The following MCC variants were observed in gnomAD, a reference collection of about 807,000 sequenced individuals.
The protein encoded by MCC is MCC regulator of Wnt signaling pathway, also known as colorectal mutant cancer protein.
In MCC, 90 loss-of-function variants were observed where a neutral mutation model predicts 116.2. The observed-to-expected ratio is 0.77, with a 90% CI of 0.65 to 0.92. The LOEUF (loss-of-function observed/expected upper bound fraction) is 0.92, where lower values mean the gene tolerates loss of function less well. Ranked by LOEUF, MCC falls within the 40% of genes least tolerant of loss-of-function variation. The pLI is 0.00. For synonymous variants in MCC, 578 were observed against 510.5 expected, an observed-to-expected ratio of 1.13 and a Z score of -1.78; for missense variants, 1,516 against 1,312.2, an observed-to-expected ratio of 1.16 and a Z score of -2.40.
At chr5:113,419,977 A>T (rs976413161) in intron 1 of MCC, among the ~76,000 whole-genome samples, 1 of 151,668 alleles carries the variant, frequency 6.6e-6, no homozygotes, top group Non-Finnish European at 1.5e-5. Context: ...CATATGTAAC[A>T]AACCTGCACG....
intron 5 of MCC, among the ~76,000 whole-genome samples, chr5:113,131,741 T>C (rs1758440697): frequency 6.6e-6 from 1 of 152,126 alleles, no homozygotes; most frequent in African/African-American, 2.4e-5. Context: ...TCCCTCTGCC[T>C]TCCAAACCCA....
At chr5:113,476,598 C>T (rs1284299870) in intron 1 of MCC, among the ~76,000 whole-genome samples, 1 of 152,132 alleles carries the variant, frequency 6.6e-6, no homozygotes, top group African/African-American at 2.4e-5. Flanking sequence ...TAGAAGAAAA[C>T]ATTTAAATTA....
chr5:113,294,091 G>A (rs1170951740), intron 3 of MCC, among the ~76,000 whole-genome samples: 1 of 152,164 alleles, frequency 6.6e-6, no homozygotes, highest in Non-Finnish European at 1.5e-5. Context: ...GTGAGAGGTT[G>A]TTTCTTTTTT....
intron 14 of MCC, among the ~76,000 whole-genome samples, chr5:113,062,862 AAG>A (rs890452134): frequency 6.6e-6 from 1 of 152,220 alleles, no homozygotes; most frequent in Non-Finnish European, 1.5e-5. Flanking sequence ...CCAGGGGAGA[AAG>A]AGAGAGGGGA....
At chr5:113,437,359 T>C (rs2150414079) in intron 1 of MCC, among the ~76,000 whole-genome samples, 1 of 152,232 alleles carries the variant, frequency 6.6e-6, no homozygotes, top group African/African-American at 2.4e-5. Context: ...ACTGGCTGAG[T>C]GATCATCGCA....
chr5:113,482,177 T>A (rs574790957), intron 1 of MCC, among the ~76,000 whole-genome samples: 1 of 152,212 alleles, frequency 6.6e-6, no homozygotes, highest in Non-Finnish European at 1.5e-5. Flanking sequence ...TGATGAACAT[T>A]TGGGTACATC....
At chr5:113,426,633 A>T in intron 1 of MCC, among the ~76,000 whole-genome samples, 1 of 152,172 alleles carries the variant, frequency 6.6e-6, no homozygotes, top group East Asian at 1.9e-4. Flanking sequence ...ATGCATGTGA[A>T]CATGCCTATA....
chr5:113,125,328 T>C (rs548813824), intron 5 of MCC, among the ~76,000 whole-genome samples: 1 of 152,168 alleles, frequency 6.6e-6, no homozygotes, highest in Non-Finnish European at 1.5e-5. Flanking sequence ...ATTATAAGTA[T>C]TCTAGAACAA....
intron 1 of MCC, among the ~76,000 whole-genome samples, chr5:113,461,894 C>T (rs563650358): frequency 4.6e-5 from 7 of 151,996 alleles, no homozygotes; most frequent in Non-Finnish European, 1.0e-4. Context: ...CCCATGCCAT[C>T]GAGCACCCAG....
rs151183145 is a variant in MCC at position 113,046,685 on chromosome 5, C to CAAAAAAAAAAAAAAAAAAAA, written c.2655+2388_2655+2407dup. 8.4e-4 allele frequency among the ~76,000 whole-genome samples: 49 copies of CAAAAAAAAAAAAAAAAAAAA among 58,382 alleles called. 3 individuals are homozygous for CAAAAAAAAAAAAAAAAAAAA. The highest frequency in any genetic ancestry group is 2.0e-3 in the East Asian group (4 of 2,034). The allele number at this position is 58,382 out of a possible 152,430, so 38.3% of individuals were successfully genotyped here. A position where few individuals can be genotyped will look rare whatever the true frequency, so the allele number is the denominator to read the frequency against. On this transcript the variant is annotated intron_variant, in intron 16 of 18. Coordinates refer to ENST00000408903, the MANE Select transcript of MCC (RefSeq NM_001085377.2). ...ACTGACTGCTAACAAACTCAAAAGG[C>CAAAAAAAAAAAAAAAAAAAA]AAAAAAAAAAAAAAAAAAAAAAAAA...
intron 3 of MCC, among the ~76,000 whole-genome samples, chr5:113,160,297 A>C (rs1043917621): frequency 2.0e-5 from 3 of 152,192 alleles, no homozygotes; most frequent in African/African-American, 7.2e-5. Flanking sequence ...AATCAGCTTT[A>C]AAGATGACCC....
At chr5:113,136,984 G>C (rs1758872707) in intron 5 of MCC, among the ~76,000 whole-genome samples, 1 of 152,114 alleles carries the variant, frequency 6.6e-6, no homozygotes, top group African/African-American at 2.4e-5. Flanking sequence ...TATGATATTA[G>C]CCATGGGTTT....
intron 3 of MCC, among the ~76,000 whole-genome samples, chr5:113,279,416 C>T (rs1006616599): frequency 6.6e-6 from 1 of 151,270 alleles, no homozygotes; most frequent in Non-Finnish European, 1.5e-5. Flanking sequence ...ATATAGTAAT[C>T]TATGAACACT....
At chr5:113,424,410 T>C (rs916798657) in intron 1 of MCC, among the ~76,000 whole-genome samples, 6 of 152,034 alleles carry the variant, frequency 3.9e-5, no homozygotes, top group African/African-American at 1.4e-4. Flanking sequence ...AGAACAATAA[T>C]AAGTTTTAAA....
At chr5:113,275,351 G>A (rs947573130) in intron 3 of MCC, among the ~76,000 whole-genome samples, 4 of 152,188 alleles carry the variant, frequency 2.6e-5, no homozygotes, top group Admixed American at 2.6e-4. Flanking sequence ...TACACTTGTA[G>A]TTAGCAACAC....
intron 3 of MCC, among the ~76,000 whole-genome samples, chr5:113,241,675 G>T (rs1764374238): frequency 6.6e-6 from 1 of 152,168 alleles, no homozygotes; most frequent in Non-Finnish European, 1.5e-5. Flanking sequence ...ACAGACCTCA[G>T]TTACTACAGG....
At chr5:113,179,824 G>A (rs1761520944) in intron 3 of MCC, among the ~76,000 whole-genome samples, 1 of 152,182 alleles carries the variant, frequency 6.6e-6, no homozygotes, top group African/African-American at 2.4e-5. Context: ...ACAAGAGCAT[G>A]GGCCTTAGAT....
intron 1 of MCC, among the ~76,000 whole-genome samples, chr5:113,395,588 A>G (rs1210236049): frequency 1.3e-5 from 2 of 152,312 alleles, no homozygotes; most frequent in East Asian, 3.9e-4. Flanking sequence ...ATATGAATTC[A>G]GTAAGGTGAC....
chr5:113,175,374 C>G (rs1475960205), intron 3 of MCC, among the ~76,000 whole-genome samples: 1 of 152,148 alleles, frequency 6.6e-6, no homozygotes, highest in African/African-American at 2.4e-5. Context: ...CGTATTTATT[C>G]TGCTTATCTT....
Sources: allele counts gnomAD v4.1 joint callset (sites outside exome capture counted in the v4.1 genomes callset), GRCh38; gene constraint gnomAD v4.1.1; transcripts MANE v1.5; gene names NCBI Gene and HGNC (gene_info 2026-07-23, HGNC 2026-07-21).